The following ATP2A2 variants were observed in gnomAD, a reference collection of about 807,000 sequenced individuals.
The protein encoded by ATP2A2 is sarcoplasmic/endoplasmic reticulum calcium ATPase 2.
A neutral mutation model predicts 109.3 loss-of-function variants in ATP2A2; 14 were observed. The observed-to-expected ratio is 0.13, with a 90% CI of 0.08 to 0.20. The LOEUF (loss-of-function observed/expected upper bound fraction) is 0.20, where lower values mean the gene tolerates loss of function less well. ATP2A2 is among the 10% of genes least tolerant of loss of function. The probability of loss-of-function intolerance (pLI) is 1.00; values close to 1 mark genes in which losing one functional copy is unlikely to be tolerated. For synonymous variants in ATP2A2, 506 were observed against 490.9 expected, an observed-to-expected ratio of 1.03 and a Z score of -0.41; for missense variants, 657 against 1,321.6, an observed-to-expected ratio of 0.50 and a Z score of 7.80.
rs1199759749 is a variant in ATP2A2 at position 110,287,390 on chromosome 12, T to TAATG, written c.219+4595_219+4596insAATG. Among the ~76,000 whole-genome samples, 8 of 152,342 alleles carry TAATG rather than the reference T, an allele frequency of 5.3e-5. No homozygotes were observed. In the East Asian group the frequency reaches 1.5e-3, roughly 29 times the overall value. ...GAGATACTCTATCCCTACTCTATTT[T>TAATG]TAACAGTTTAATGTAGTTGAGTGTT... On this transcript the variant is annotated intron_variant, in intron 3 of 19. Coordinates refer to ENST00000539276, the MANE Select transcript of ATP2A2 (RefSeq NM_170665.4).
At position 110,282,759 on chromosome 12, in the gene ATP2A2, A is replaced by C. The variant is rs1193554019; in HGVS notation, c.183A>C (p.Leu61=). The change falls in exon 3 of 20, where the codon CTA becomes CTC. Residue 61 remains leucine, a synonymous_variant. Transcript: ENST00000539276. ...TGATTGAGCAGTTTGAAGACTTGCTAGTTAGGATTTTATTACTGGCAGCAT... is the reference window on the plus strand; with the variant it reads ...TGATTGAGCAGTTTGAAGACTTGCTCGTTAGGATTTTATTACTGGCAGCAT... The part of the protein sequence containing the change: ...ELVIEQFEDL[L]VRILLLAACI... The C allele has an allele frequency of 1.9e-6, 3 of 1,614,084 alleles. No homozygotes were observed. Among genetic ancestry groups the C allele is most frequent in the South Asian group, 2.2e-5 (2 of 91,084 alleles).
intron 5 of ATP2A2, among the ~76,000 whole-genome samples, chr12:110,298,135 T>G (rs1279941757): frequency 2.0e-5 from 3 of 152,212 alleles, no homozygotes; most frequent in Non-Finnish European, 4.4e-5. Flanking sequence ...TGCTTTGTCT[T>G]TATTGTCTTA....
At chr12:110,299,068 C>G (rs954251021) in intron 5 of ATP2A2, among the ~76,000 whole-genome samples, 1 of 151,894 alleles carries the variant, frequency 6.6e-6, no homozygotes, top group Admixed American at 6.6e-5. Flanking sequence ...CTCCTGGGCT[C>G]AAGTGATTCT....
chr12:110,330,062 A>G (rs1335447920), intron 8 of ATP2A2: 1 of 152,246 alleles, frequency 6.6e-6, no homozygotes, highest in Admixed American at 6.5e-5. Flanking sequence ...ATGAGCATTT[A>G]TTTAGTAACA....
intron 6 of ATP2A2, among the ~76,000 whole-genome samples, chr12:110,323,562 C>T (rs1331050591): frequency 6.6e-6 from 1 of 152,110 alleles, no homozygotes; most frequent in African/African-American, 2.4e-5. Context: ...GTAATTCCAA[C>T]ACTTTGGGAG....
At chr12:110,316,586 G>A (rs1876691395) in intron 5 of ATP2A2, among the ~76,000 whole-genome samples, 1 of 152,198 alleles carries the variant, frequency 6.6e-6, no homozygotes, top group African/African-American at 2.4e-5. Context: ...CCCACTGTGT[G>A]CCAGGTATAG....
At chr12:110,313,236 C>T (rs531247459) in intron 5 of ATP2A2, among the ~76,000 whole-genome samples, 1 of 151,578 alleles carries the variant, frequency 6.6e-6, no homozygotes, top group South Asian at 2.1e-4. Flanking sequence ...AAGTGCCAAC[C>T]TTTTCATTCT....
chr12:110,334,549 G>T (rs2137835670), intron 11 of ATP2A2, among the ~76,000 whole-genome samples: 1 of 146,172 alleles, frequency 6.8e-6, no homozygotes, highest in African/African-American at 2.5e-5. Context: ...TATTTCCCCT[G>T]TCAGCTACCA....
chr12:110,284,135 A>AC (rs1166592803), intron 3 of ATP2A2, among the ~76,000 whole-genome samples: 1 of 152,186 alleles, frequency 6.6e-6, no homozygotes. Flanking sequence ...TGAGTCAGTC[A>AC]CAATGTACCT....
In ATP2A2 at chr12:110,345,720, A is replaced by G; in HGVS notation, c.2742-281A>G. The G allele has an allele frequency of 7.0e-6, 4 of 574,944 alleles. No homozygotes were observed. In the South Asian group the frequency reaches 7.9e-5, roughly 11 times the overall value. 35.6% of individuals were successfully genotyped at this position (574,944 alleles called of 1,614,324 possible). A position where few individuals can be genotyped will look rare whatever the true frequency, so the allele number is the denominator to read the frequency against. On this transcript the variant is annotated intron_variant, in intron 18 of 19. Coordinates refer to ENST00000539276, the MANE Select transcript of ATP2A2 (RefSeq NM_170665.4). ...CCATCCAGTTAAGCCCGTGACAAAA[A>G]TGGAAATTTCTAAATAGCCCAAGTC...
intron 1 of ATP2A2, among the ~76,000 whole-genome samples, chr12:110,282,274 C>T (rs1455368067): frequency 1.3e-5 from 2 of 152,206 alleles, no homozygotes; most frequent in Middle Eastern, 3.2e-3. Flanking sequence ...GGCCTCTGAC[C>T]GTTCTTGTCC....
intron 5 of ATP2A2, 152 bp downstream of exon 5, chr12:110,296,889 A>T: frequency 1.0e-6 from 1 of 1,004,768 alleles, no homozygotes; most frequent in Non-Finnish European, 1.4e-6. Context: ...ATTCTCTAAA[A>T]TTATTTTGAA....
At chr12:110,344,753 G>A in intron 16 of ATP2A2, 133 bp from the exon 17 acceptor site, 1 of 846,982 alleles carries the variant, frequency 1.2e-6, no homozygotes, top group Non-Finnish European at 2.0e-6. Flanking sequence ...GGTGGTGGTA[G>A]CACCACAGGC....
intron 3 of ATP2A2, among the ~76,000 whole-genome samples, chr12:110,290,159 C>G (rs1438606394): frequency 6.6e-6 from 1 of 152,204 alleles, no homozygotes; most frequent in Non-Finnish European, 1.5e-5. Context: ...TCTGAAACAG[C>G]CTTCAGTAGT....
chr12:110,300,109 C>T (rs1874413757), intron 5 of ATP2A2, among the ~76,000 whole-genome samples: 1 of 138,834 alleles, frequency 7.2e-6, no homozygotes, highest in Non-Finnish European at 1.5e-5. Context: ...CTTCCTTCCT[C>T]CCCCTTTCCC....
At chr12:110,325,889 A>G (rs1877745676) in intron 6 of ATP2A2, 1 of 166,160 alleles carries the variant, frequency 6.0e-6, no homozygotes, top group Non-Finnish European at 1.3e-5. Context: ...TCAGGAAGCC[A>G]AGTTGGGAAG....
In ATP2A2 at chr12:110,347,384, T is replaced by G; in HGVS notation, c.*914T>G. On this transcript the variant is annotated 3_prime_UTR_variant, in exon 20 of 20. Coordinates refer to ENST00000539276, the MANE Select transcript of ATP2A2 (RefSeq NM_170665.4). Reference sequence around the variant, plus strand: ...TGGGACTAACAGACATGTCCAACTTTCTCTCCAGTTCTTAGCTCAGAACTT... The same window carrying G: ...TGGGACTAACAGACATGTCCAACTTGCTCTCCAGTTCTTAGCTCAGAACTT... 7.8e-7 allele frequency: 1 copy of G among 1,289,144 alleles called. No individual in the cohort carries two copies. Among genetic ancestry groups the G allele is most frequent in the South Asian group, 1.2e-5 (1 of 81,016 alleles). The allele number at this position is 1,289,144 out of a possible 1,614,324, so 79.9% of individuals were successfully genotyped here.
intron 5 of ATP2A2, among the ~76,000 whole-genome samples, chr12:110,299,776 T>C (rs965550708): frequency 2.0e-4 from 30 of 152,104 alleles, no homozygotes; most frequent in African/African-American, 7.0e-4. Flanking sequence ...TGAGCCACCA[T>C]GTACCTGGCT....
intron 8 of ATP2A2, 105 bp from the exon 9 acceptor site, chr12:110,332,492 T>C (rs1592850831): frequency 1.0e-6 from 1 of 975,134 alleles, no homozygotes; most frequent in East Asian, 2.4e-5. Context: ...TTTTCGTAAA[T>C]GAAAGAGGTT....
Sources: allele counts gnomAD v4.1 joint callset (sites outside exome capture counted in the v4.1 genomes callset), GRCh38; gene constraint gnomAD v4.1.1; transcripts MANE v1.5; gene names NCBI Gene and HGNC (gene_info 2026-07-23, HGNC 2026-07-21).